The following SIK2 variants were observed in gnomAD, a reference collection of about 807,000 sequenced individuals.
The protein encoded by SIK2 is serine/threonine-protein kinase SIK2.
SIK2 carries 29 observed loss-of-function variants against 103.2 expected under a neutral mutation model. That is an observed-to-expected ratio of 0.28 (90% CI 0.21 to 0.38). The LOEUF is 0.38. Ranked by LOEUF, SIK2 falls within the 10% of genes least tolerant of loss-of-function variation. The pLI is 1.00. For missense variants in SIK2, 879 were observed against 1,171.0 expected (o/e 0.75, Z 3.64); for synonymous variants, 412 against 446.1 (o/e 0.92, Z 0.96).
chr11:111,679,146 G>A (rs1942745637), intron 3 of SIK2, among the ~76,000 whole-genome samples: 1 of 152,094 alleles, frequency 6.6e-6, no homozygotes, highest in African/African-American at 2.4e-5. Context: ...TTTGATATCT[G>A]TTACTGTCAT....
intron 3 of SIK2, among the ~76,000 whole-genome samples, chr11:111,663,352 A>G (rs528031925): frequency 2.0e-5 from 3 of 152,154 alleles, no homozygotes; most frequent in Non-Finnish European, 4.4e-5. Context: ...GAAGAAAGCA[A>G]TGTGGATATC....
intron 12 of SIK2, 134 bp downstream of exon 12, chr11:111,721,196 T>G (rs1474330786): frequency 2.7e-6 from 3 of 1,130,460 alleles, no homozygotes; most frequent in African/African-American, 3.1e-5. Flanking sequence ...ACCCACAGCT[T>G]CTTTGCCTTG....
intron 6 of SIK2, among the ~76,000 whole-genome samples, chr11:111,702,932 T>C (rs1943251381): frequency 6.6e-6 from 1 of 152,250 alleles, no homozygotes; most frequent in Admixed American, 6.5e-5. Context: ...AGTCTGTTTC[T>C]AGATATTTTC....
chr11:111,671,023 A>G, intron 3 of SIK2: 1 of 160,976 alleles, frequency 6.2e-6, no homozygotes, highest in Non-Finnish European at 1.4e-5. Flanking sequence ...CTTCACAATC[A>G]GGTCCCTGGA....
At chr11:111,650,691 T>C (rs2135863438) in intron 3 of SIK2, among the ~76,000 whole-genome samples, 1 of 152,266 alleles carries the variant, frequency 6.6e-6, no homozygotes, top group African/African-American at 2.4e-5. Flanking sequence ...ATCCTTTGAA[T>C]TGATTATGTT....
chr11:111,698,874 C>T (rs1943144454), intron 4 of SIK2, among the ~76,000 whole-genome samples: 1 of 152,204 alleles, frequency 6.6e-6, no homozygotes, highest in South Asian at 2.1e-4. Context: ...TCTTGTGCTG[C>T]TTTATCCTGT....
At position 111,681,268 on chromosome 11, in the gene SIK2, G is replaced by A. The variant is rs368331777; in HGVS notation, c.317-6733G>A. ...ATTGTATATGTGCATGTGTATCTAT[G>A]TATCATTTTTATTAGACTTTCAGTA... On this transcript the variant is annotated intron_variant, in intron 3 of 14. Coordinates refer to ENST00000304987, the MANE Select transcript of SIK2 (RefSeq NM_015191.3). Among the ~76,000 whole-genome samples, 191 of 152,288 alleles carry A rather than the reference G, an allele frequency of 1.3e-3. 9 individuals carry two copies. The South Asian group carries it at 0.039, about 31-fold the overall frequency.
chr11:111,700,923 G>C lies in SIK2; in HGVS notation c.516G>C (p.Leu172=). The C allele has an allele frequency of 6.2e-7, 1 of 1,614,048 alleles. No individual in the cohort carries two copies. The highest frequency in any genetic ancestry group is 8.5e-7 in the Non-Finnish European group (1 of 1,179,944). Residue 172 remains leucine (L), a synonymous_variant, in exon 5 of 15, where the codon CTG becomes CTC. Transcript: ENST00000304987. ...GFGNFFKSGE[L]LATWCGSPPY... ...GAAATTTCTTTAAAAGTGGTGAACT[G>C]CTGGCAACATGGTGTGGCAGCCCCC...
At chr11:111,694,310 A>G (rs541259985) in intron 4 of SIK2, among the ~76,000 whole-genome samples, 15 of 152,166 alleles carry the variant, frequency 9.9e-5, no homozygotes, top group Non-Finnish European at 2.2e-4. Flanking sequence ...CATATTCTCA[A>G]TTGTCTCTGG....
At chr11:111,684,430 T>C (rs1051596495) in intron 3 of SIK2, among the ~76,000 whole-genome samples, 1 of 152,124 alleles carries the variant, frequency 6.6e-6, no homozygotes, top group African/African-American at 2.4e-5. Flanking sequence ...GACTCAGCAC[T>C]TTCTTCAGGG....
At chr11:111,603,148 G>C (rs1345553662) in intron 1 of SIK2, among the ~76,000 whole-genome samples, 1 of 152,146 alleles carries the variant, frequency 6.6e-6, no homozygotes, top group African/African-American at 2.4e-5. Flanking sequence ...GGGACCGCCT[G>C]CGCTTGGGCT....
At chr11:111,641,588 C>T (rs1173181871) in intron 3 of SIK2, among the ~76,000 whole-genome samples, 1 of 151,672 alleles carries the variant, frequency 6.6e-6, no homozygotes, top group Non-Finnish European at 1.5e-5. Flanking sequence ...TAATTTAGTC[C>T]CTCATTAATT....
chr11:111,673,692 A>G (rs1002444110), intron 3 of SIK2, among the ~76,000 whole-genome samples: 3 of 152,242 alleles, frequency 2.0e-5, no homozygotes, highest in Non-Finnish European at 2.9e-5. Context: ...AGGGTAAGAG[A>G]TTAGATAAAA....
In SIK2 at chr11:111,720,622, G is replaced by A. The variant is rs199644978; in HGVS notation, c.1640G>A (p.Arg547His). The A allele has an allele frequency of 3.9e-5, 63 of 1,613,874 alleles. 1 individual carries two copies. The highest frequency in any genetic ancestry group is 1.9e-4 in the South Asian group (17 of 91,060). Reference protein sequence around the residue: ...DIMLANQPSPRMTSPFISLRP... With the variant: ...DIMLANQPSPHMTSPFISLRP... The stretch of plus-strand genomic sequence containing the variant: ...ATGTTAGCCAATCAGCCTTCACCCC[G>A]CATGACATCTCCCTTCATAAGCCTG... Residue 547 changes from arginine to histidine, a missense_variant, in exon 11 of 15, where the codon CGC becomes CAC. Arg to His is a conservative substitution (Grantham distance 29, BLOSUM62 0). Around this residue, in one of 7 missense-constraint regions of SIK2, gnomAD observed 222 missense variants for 258.0 expected, o/e 0.86. Transcript: ENST00000304987.
In SIK2 at chr11:111,607,685, A is replaced by C. The variant is rs73556955; in HGVS notation, c.135+4987A>C. Among the ~76,000 whole-genome samples the C allele has an allele frequency of 9.3e-3, 1,409 of 152,266 alleles. 33 individuals carry two copies. Among genetic ancestry groups the C allele is most frequent in the African/African-American group, 0.032 (1,323 of 41,570 alleles). ...GAAATAAAATTGTATTTGTCATGGA[A>C]TATATATACTTTCATAGAATTTTTC... On this transcript the variant is annotated intron_variant, in intron 1 of 14. Transcript: ENST00000304987.
intron 9 of SIK2, among the ~76,000 whole-genome samples, chr11:111,713,347 AAC>A (rs1176428038): frequency 2.0e-5 from 3 of 152,166 alleles, no homozygotes; most frequent in Admixed American, 6.5e-5. Context: ...TGTCATAGAA[AAC>A]ACAGGTCTTG....
intron 3 of SIK2, among the ~76,000 whole-genome samples, chr11:111,665,928 C>A (rs913951990): frequency 6.6e-6 from 1 of 152,100 alleles, no homozygotes; most frequent in African/African-American, 2.4e-5. Flanking sequence ...CTTTGGTTCT[C>A]CATGCATTGC....
chr11:111,699,332 A>G lies in SIK2; in HGVS notation c.479-1554A>G, dbSNP rs543890053. On this transcript the variant is annotated intron_variant, in intron 4 of 14. Transcript: ENST00000304987. ...CCTCTAAACTTTTTCTACCCCTCCT[A>G]TCTACTTTTTTGGGACCTTTTTCTC... 3.3e-5 allele frequency among the ~76,000 whole-genome samples: 5 copies of G among 152,112 alleles called. No homozygotes were observed. The East Asian group carries it at 5.8e-4, about 18-fold the overall frequency.
chr11:111,675,888 A>C lies in SIK2; in HGVS notation c.317-12113A>C, dbSNP rs536139507. On this transcript the variant is annotated intron_variant, in intron 3 of 14. Coordinates refer to ENST00000304987, the MANE Select transcript of SIK2 (RefSeq NM_015191.3). ...CATGTACCTGTTAGGCCATCTTTCA[A>C]CCCTCACCCTCGTCCCACCCTCCAC... Among the ~76,000 whole-genome samples, 3 of 152,240 alleles carry C rather than the reference A, an allele frequency of 2.0e-5. No homozygotes were observed. In the East Asian group the frequency reaches 5.8e-4, roughly 29 times the overall value.
Sources: gnomAD v4.1 joint callset for allele counts (sites outside exome capture counted in the v4.1 genomes callset) on GRCh38, gnomAD v4.1.1 for gene constraint, gnomAD v4.1.1 regional missense constraint, MANE v1.5 for transcripts, NCBI Gene and HGNC (gene_info 2026-07-23, HGNC 2026-07-21) for gene names.